The following OXNAD1 variants were observed in gnomAD, a reference collection of about 807,000 sequenced individuals.
OXNAD1 encodes oxidoreductase NAD binding domain containing 1.
In OXNAD1, 34 loss-of-function variants were observed where a neutral mutation model predicts 32.9. The observed-to-expected ratio is 1.03, with a 90% CI of 0.79 to 1.38. OXNAD1 has a LOEUF of 1.38. OXNAD1 is among the 40% of genes most tolerant of loss of function. The pLI, the probability that OXNAD1 is intolerant of heterozygous loss-of-function variation, is 0.00. For synonymous variants in OXNAD1, 134 were observed against 135.2 expected, an observed-to-expected ratio of 0.99 and a Z score of 0.06; for missense variants, 407 against 379.4, an observed-to-expected ratio of 1.07 and a Z score of -0.60.
At chr3:16,282,626 C>T (rs2065827308) in intron 4 of OXNAD1, among the ~76,000 whole-genome samples, 1 of 151,692 alleles carries the variant, frequency 6.6e-6, no homozygotes. Flanking sequence ...TTGAGCAGGG[C>T]CTAGAAGGGT....
intron 5 of OXNAD1, among the ~76,000 whole-genome samples, 156 bp downstream of exon 5, chr3:16,286,604 A>G (rs920868720): frequency 2.0e-5 from 3 of 152,196 alleles, no homozygotes; most frequent in East Asian, 3.8e-4. Flanking sequence ...GGCACAGAGG[A>G]TCTGATTCCT....
Position 16,317,584 on chromosome 3 carries a change from G to A in OXNAD1, c.*30+13992G>A, listed in dbSNP as rs1213546141. ...AGGATGGAGAGGAGATGTGAGGCCT[G>A]CCCCCAGTAAGAGCCAGAGCTGCAG... is the stretch of plus-strand genomic sequence containing the variant. On this transcript the variant is annotated intron_variant, in intron 9 of 9. Transcript: ENST00000435829. This position sits in a 1 kb window ranked among gnomAD's most constrained non-coding sequence, Gnocchi z 4.3. 6.6e-6 allele frequency among the ~76,000 whole-genome samples: 1 copy of A among 152,180 alleles called. No homozygotes were observed. Among genetic ancestry groups the A allele is most frequent in the African/African-American group, 2.4e-5 (1 of 41,440 alleles).
At chr3:16,266,920 C>A (rs949037499) in intron 1 of OXNAD1, among the ~76,000 whole-genome samples, 1 of 152,198 alleles carries the variant, frequency 6.6e-6, no homozygotes, top group African/African-American at 2.4e-5. Context: ...CACACCTGAG[C>A]CCAGTTCCGC....
rs375408019 is a variant in OXNAD1, at chr3:16,271,697, G to A, written c.158G>A (p.Arg53Lys). 32 of 1,607,954 alleles carry A rather than the reference G, an allele frequency of 2.0e-5. No homozygotes were observed. The East Asian group carries it at 6.5e-4, about 33-fold the overall frequency. ...KSKRKTDHME[R>K]TASVLRREIV... ...AAAAGGAAAACTGATCACATGGAGAGAACTGCAAGTGTCCTTCGACGGGAG... is the reference window on the plus strand; with the variant it reads ...AAAAGGAAAACTGATCACATGGAGAAAACTGCAAGTGTCCTTCGACGGGAG... Residue 53 changes from arginine (R) to lysine (K), a missense_variant, in exon 4 of 9, where the codon AGA becomes AAA. Transcript: ENST00000285083. This position sits in a 1 kb window ranked among gnomAD's most constrained non-coding sequence, Gnocchi z 4.6.
intron 1 of OXNAD1, 99 bp from the exon 2 acceptor site, chr3:16,269,027 C>T (rs2064751288): frequency 9.0e-7 from 1 of 1,109,802 alleles, no homozygotes; most frequent in South Asian, 2.3e-5. Flanking sequence ...GAGGTGATGC[C>T]TACTGATTTT....
At position 16,271,172 on chromosome 3, in the gene OXNAD1, C is replaced by T; in HGVS notation, c.119+101C>T. On this transcript the variant is annotated intron_variant, in intron 3 of 8. Coordinates refer to ENST00000285083, the MANE Select transcript of OXNAD1 (RefSeq NM_138381.5). The surrounding 1 kb of genome is among the most constrained non-coding windows in gnomAD (Gnocchi z 4.6). ...ATATCAAACTCCCGGAAAGGTAACACCTTAGCTTCAATGTGCATGCTGTCA... is the reference window on the plus strand; with the variant it reads ...ATATCAAACTCCCGGAAAGGTAACATCTTAGCTTCAATGTGCATGCTGTCA... 1 of 1,369,394 alleles carries T rather than the reference C, an allele frequency of 7.3e-7. No homozygotes were observed. The highest frequency in any genetic ancestry group is 1.3e-5 in the South Asian group (1 of 75,338). The allele number at this position is 1,369,394 out of a possible 1,614,324, so 84.8% of individuals were successfully genotyped here. A position where few individuals can be genotyped will look rare whatever the true frequency, so the allele number is the denominator to read the frequency against.
In OXNAD1 at chr3:16,317,366, G is replaced by T; in HGVS notation, c.*30+13774G>T. The T allele has an allele frequency of 1.1e-6, 1 of 907,954 alleles. No individual in the cohort carries two copies. Among genetic ancestry groups the T allele is most frequent in the Non-Finnish European group, 1.7e-6 (1 of 601,170 alleles). 56.2% of individuals were successfully genotyped at this position (907,954 alleles called of 1,614,324 possible). On this transcript the variant is annotated intron_variant, in intron 9 of 9. Coordinates refer to the OXNAD1 transcript ENST00000435829. The surrounding 1 kb of genome is among the most constrained non-coding windows in gnomAD (Gnocchi z 4.3). Reference sequence around the variant, plus strand: ...ATTCCCAGCATCCCCCAGCCAGGCAGTACAGGCACCAAACTTGAATCGCAC... The same window carrying T: ...ATTCCCAGCATCCCCCAGCCAGGCATTACAGGCACCAAACTTGAATCGCAC...
rs996953369 is a variant in OXNAD1 at position 16,344,959 on chromosome 3, A to G, written c.*31-4217A>G. On this transcript the variant is annotated intron_variant, in intron 9 of 9. Coordinates refer to the OXNAD1 transcript ENST00000606098. This position sits in a 1 kb window ranked among gnomAD's most constrained non-coding sequence, Gnocchi z 4.4. ...GCCCTCTCTTCATCTGTGGCTCTCA[A>G]ACTATGCATTTTAAGCTCTTTTAGG... Among the ~76,000 whole-genome samples, 2 of 152,170 alleles carry G rather than the reference A, an allele frequency of 1.3e-5. No homozygotes were observed. Among genetic ancestry groups the G allele is most frequent in the African/African-American group, 4.8e-5 (2 of 41,422 alleles).
chr3:16,324,062 A>G (rs1022108109), intron 9 of OXNAD1, among the ~76,000 whole-genome samples: 1 of 152,266 alleles, frequency 6.6e-6, no homozygotes, highest in Middle Eastern at 3.4e-3. Flanking sequence ...CAGGACCTGG[A>G]GCTGCCTCTA....
In OXNAD1 at chr3:16,269,121, T is replaced by A; in HGVS notation, c.-158-5T>A. 3 of 1,474,946 alleles carry A rather than the reference T, an allele frequency of 2.0e-6. No homozygotes were observed. The highest frequency in any genetic ancestry group is 2.7e-6 in the Non-Finnish European group (3 of 1,120,272). 91.4% of individuals were successfully genotyped at this position (1,474,946 alleles called of 1,614,324 possible). A position where few individuals can be genotyped will look rare whatever the true frequency, so the allele number is the denominator to read the frequency against. ...CATTGTTATATGTTGTTTGTGCCAT[T>A]GCAGGAACTTTGTGAGAATTTTAAT... On this transcript the variant is annotated splice_region_variant and splice_polypyrimidine_tract_variant and intron_variant, in intron 1 of 8. Transcript: ENST00000285083.
At chr3:16,268,313 CTTTTTTTTTTTTTTTTTT>C (rs531751365) in intron 1 of OXNAD1, among the ~76,000 whole-genome samples, 3 of 61,006 alleles carry the variant, frequency 4.9e-5, no homozygotes, top group East Asian at 6.8e-4. Flanking sequence ...AAGAGAACTC[CTTTTTTTTTTTTTTTTTT>C]TTTTTTTTTT....
At position 16,348,738 on chromosome 3, in the gene OXNAD1, A is replaced by C. The variant is rs184770217; in HGVS notation, c.*31-438A>C. Among the ~76,000 whole-genome samples, 3 of 152,216 alleles carry C rather than the reference A, an allele frequency of 2.0e-5. No homozygotes were observed. The highest frequency in any genetic ancestry group is 3.9e-4 in the East Asian group (2 of 5,186). ...CAGTTCCCTGAGGGTTCTGTTATGG[A>C]ACCCCTAATCACCATCTCAAGTGGT... is the stretch of plus-strand genomic sequence containing the variant. On this transcript the variant is annotated intron_variant, in intron 9 of 9. Coordinates refer to the OXNAD1 transcript ENST00000606098. This position sits in a 1 kb window ranked among gnomAD's most constrained non-coding sequence, Gnocchi z 6.3.
rs536635709 is a variant in OXNAD1, at chr3:16,317,581, C to T, written c.*30+13989C>T. On this transcript the variant is annotated intron_variant, in intron 9 of 9. Transcript: ENST00000435829. The surrounding 1 kb of genome is among the most constrained non-coding windows in gnomAD (Gnocchi z 4.3). Reference sequence around the variant, plus strand: ...GCCAGGATGGAGAGGAGATGTGAGGCCTGCCCCCAGTAAGAGCCAGAGCTG... The same window carrying T: ...GCCAGGATGGAGAGGAGATGTGAGGTCTGCCCCCAGTAAGAGCCAGAGCTG... Among the ~76,000 whole-genome samples the T allele has an allele frequency of 2.0e-5, 3 of 152,300 alleles. No homozygotes were observed. Among genetic ancestry groups the T allele is most frequent in the Admixed American group, 2.0e-4 (3 of 15,300 alleles).
At chr3:16,318,093 A>T (rs1251137594) in intron 9 of OXNAD1, among the ~76,000 whole-genome samples, 2 of 152,122 alleles carry the variant, frequency 1.3e-5, no homozygotes, top group Non-Finnish European at 2.9e-5. Context: ...CAGAGTCCCA[A>T]GGTCACGCGG....
chr3:16,309,933 C>A (rs1310153970), downstream of OXNAD1, among the ~76,000 whole-genome samples: 4 of 152,158 alleles, frequency 2.6e-5, no homozygotes, highest in Non-Finnish European at 5.9e-5. Context: ...TAACTCTCTT[C>A]AAATATTTGA....
At position 16,302,649 on chromosome 3, in the gene OXNAD1, C is replaced by T; in HGVS notation, c.685C>T (p.Leu229Phe). The T allele has an allele frequency of 6.2e-7, 1 of 1,609,018 alleles. No individual in the cohort carries two copies. The highest frequency in any genetic ancestry group is 8.5e-7 in the Non-Finnish European group (1 of 1,176,422). The change falls in exon 8 of 9, where the codon CTT (leucine) becomes TTT (phenylalanine). Residue 229 changes from leucine to phenylalanine, a missense_variant. Leu to Phe is a conservative substitution (Grantham distance 22, BLOSUM62 0). Coordinates refer to ENST00000285083, the MANE Select transcript of OXNAD1 (RefSeq NM_138381.5). This position sits in a 1 kb window ranked among gnomAD's most constrained non-coding sequence, Gnocchi z 4.2. ...ATGTTTGACATTCCAGAAAAATATC[C>T]TTGATTTAGTAAATGAATTTCCTGA... ...TSELLFKKNI[L>F]DLVNEFPEKI... is the part of the protein sequence containing the mutation.
At chr3:16,300,585 T>C (rs964889513) in intron 6 of OXNAD1, among the ~76,000 whole-genome samples, 1 of 152,214 alleles carries the variant, frequency 6.6e-6, no homozygotes. Flanking sequence ...AGAACGTCTT[T>C]TGGGCCATTC....
In OXNAD1 at chr3:16,323,468, C is replaced by T. The variant is rs372312509; in HGVS notation, c.*31-13644C>T. ...GATACACTCCCCTCGCTGTAACACA[C>T]GGAGCTGAGAATGAGCCACTTTATG... is the stretch of plus-strand genomic sequence containing the variant. On this transcript the variant is annotated intron_variant, in intron 9 of 9. Transcript: ENST00000435829. 198 of 1,606,160 alleles carry T rather than the reference C, an allele frequency of 1.2e-4. 1 individual carries two copies. In the African/African-American group the frequency reaches 1.9e-3, roughly 15 times the overall value.
In OXNAD1 at chr3:16,321,767, G is replaced by A. The variant is rs975672724; in HGVS notation, c.*31-15345G>A. 1.3e-4 allele frequency among the ~76,000 whole-genome samples: 20 copies of A among 152,170 alleles called. No individual in the cohort carries two copies. The highest frequency in any genetic ancestry group is 4.6e-4 in the African/African-American group (19 of 41,438). On this transcript the variant is annotated intron_variant, in intron 9 of 9. Transcript: ENST00000435829. This position sits in a 1 kb window ranked among gnomAD's most constrained non-coding sequence, Gnocchi z 4.8. ...TTGGGATTAGAAGTTTTTACTGACT[G>A]AAAAAACAGTGGGTCCCATCCTCTC...
Sources: gnomAD v4.1 joint callset for allele counts (sites outside exome capture counted in the v4.1 genomes callset) on GRCh38, gnomAD v4.1.1 for gene constraint, Gnocchi (gnomAD v3.1) non-coding constraint, MANE v1.5 for transcripts, NCBI Gene and HGNC (gene_info 2026-07-23, HGNC 2026-07-21) for gene names.